SPOCK3: variants seen among roughly 807,000 people sequenced by gnomAD.
The protein encoded by SPOCK3 is testican-3.
Under a neutral mutation model 56.6 loss-of-function variants are expected in SPOCK3, and 30 were observed. That is an observed-to-expected ratio of 0.53 (90% confidence interval 0.40 to 0.72). The LOEUF is 0.72. Among genes scored for constraint, SPOCK3 ranks in the 30% least tolerant of loss-of-function variants. SPOCK3 has a pLI of 0.00. For missense variants in SPOCK3, 527 were observed against 530.0 expected, an observed-to-expected ratio of 0.99 and a Z score of 0.06; for synonymous variants, 196 against 183.3, an observed-to-expected ratio of 1.07 and a Z score of -0.56.
rs750297761 is a variant in SPOCK3 at position 167,234,114 on chromosome 4, G to T, written c.60C>A (p.Leu20=). The T allele has an allele frequency of 1.9e-6, 3 of 1,613,956 alleles. No individual in the cohort carries two copies. The highest frequency in any genetic ancestry group is 2.2e-5 in the East Asian group (1 of 44,842). ...CTGCAGCCACCGCCGCGGCAGCTGCGAGAGACTGACTGCACCAAGCGGCTG... is the reference window on the plus strand; with the variant it reads ...CTGCAGCCACCGCCGCGGCAGCTGCTAGAGACTGACTGCACCAAGCGGCTG... ...VCAAAWCSQS[L]AAAAAVAAAG... is the part of the protein sequence containing the mutation. The change falls in exon 2 of 11, where the codon CTC becomes CTA. Residue 20 remains leucine, a synonymous_variant. Coordinates refer to ENST00000357545, the MANE Select transcript of SPOCK3 (RefSeq NM_001040159.2).
intron 2 of SPOCK3, among the ~76,000 whole-genome samples, chr4:167,094,130 T>TAATACATGTGAC (rs1346293201): frequency 2.6e-5 from 4 of 152,092 alleles, no homozygotes; most frequent in Non-Finnish European, 5.9e-5. Context: ...ATATCAAGTA[T>TAATACATGTGAC]AATACATGTG....
chr4:166,908,762 C>T (rs78094227), intron 5 of SPOCK3, among the ~76,000 whole-genome samples: 4,034 of 152,074 alleles, frequency 0.027, 161 homozygotes, highest in African/African-American at 0.082. Context: ...GTAACGTACA[C>T]TTTACATAAC....
chr4:167,225,855 C>T (rs1736544452), intron 2 of SPOCK3, among the ~76,000 whole-genome samples: 1 of 152,004 alleles, frequency 6.6e-6, no homozygotes, highest in South Asian at 2.1e-4. Flanking sequence ...TCCTAACTGT[C>T]CCAGAGATAC....
At chr4:167,128,419 T>C (rs1762457874) in intron 2 of SPOCK3, among the ~76,000 whole-genome samples, 1 of 152,204 alleles carries the variant, frequency 6.6e-6, no homozygotes, top group Non-Finnish European at 1.5e-5. Flanking sequence ...TACACCACCA[T>C]TTATTACTTT....
At chr4:166,850,648 C>G (rs913711163) in intron 6 of SPOCK3, among the ~76,000 whole-genome samples, 7 of 152,246 alleles carry the variant, frequency 4.6e-5, no homozygotes, top group Admixed American at 3.9e-4. Flanking sequence ...GGCATTGCCT[C>G]ACTCGGGAAG....
In SPOCK3 at chr4:167,194,411, T is replaced by C. The variant is rs560837759; in HGVS notation, c.189+39574A>G. ...GAATTTCTTTAAATCAGGCAGCTTATAGATCTCCATTTCTTTCAGGCATGC... is the reference window on the plus strand; with the variant it reads ...GAATTTCTTTAAATCAGGCAGCTTACAGATCTCCATTTCTTTCAGGCATGC... On this transcript the variant is annotated intron_variant, in intron 2 of 10. Coordinates refer to ENST00000357545, the MANE Select transcript of SPOCK3 (RefSeq NM_001040159.2). 1.8e-4 allele frequency among the ~76,000 whole-genome samples: 28 copies of C among 152,322 alleles called. No homozygotes were observed. In the South Asian group the frequency reaches 3.7e-3, roughly 20 times the overall value.
intron 7 of SPOCK3, 56 bp downstream of exon 7, chr4:166,792,114 T>C: frequency 1.2e-6 from 2 of 1,603,076 alleles, no homozygotes; most frequent in Non-Finnish European, 1.7e-6. Context: ...AGTGGTTCAT[T>C]GGAAATAAAA....
chr4:166,914,078 C>A (rs1000333056), intron 4 of SPOCK3, among the ~76,000 whole-genome samples: 33 of 150,422 alleles, frequency 2.2e-4, no homozygotes, highest in African/African-American at 5.2e-4. Context: ...AAAAAAAAAA[C>A]CATTCTACTT....
At chr4:167,147,413 G>A (rs1228928531) in intron 2 of SPOCK3, among the ~76,000 whole-genome samples, 2 of 151,986 alleles carry the variant, frequency 1.3e-5, no homozygotes, top group African/African-American at 4.8e-5. Context: ...GATTCCTCAG[G>A]GATCGAGAAC....
chr4:167,223,404 TAG>T (rs1253487626), intron 2 of SPOCK3, among the ~76,000 whole-genome samples: 2 of 148,544 alleles, frequency 1.3e-5, no homozygotes, highest in African/African-American at 2.5e-5. Context: ...ATATTATATA[TAG>T]AGAGAGATAT....
intron 5 of SPOCK3, among the ~76,000 whole-genome samples, chr4:166,897,780 G>A (rs1485276939): frequency 6.6e-6 from 1 of 152,180 alleles, no homozygotes; most frequent in Non-Finnish European, 1.5e-5. Flanking sequence ...GTGGCTTTCT[G>A]TAAGTGAAAG....
chr4:167,169,000 C>T (rs867069797), intron 2 of SPOCK3, among the ~76,000 whole-genome samples: 11 of 152,160 alleles, frequency 7.2e-5, no homozygotes, highest in Admixed American at 1.3e-4. Context: ...TTGGCAGCTT[C>T]CATGAGGTGT....
At chr4:167,173,886 C>T (rs941419655) in intron 2 of SPOCK3, among the ~76,000 whole-genome samples, 3 of 152,072 alleles carry the variant, frequency 2.0e-5, no homozygotes, top group Non-Finnish European at 4.4e-5. Flanking sequence ...CCCTATAGGC[C>T]TGAGGGTTTC....
intron 7 of SPOCK3, among the ~76,000 whole-genome samples, chr4:166,769,506 T>G (rs959179309): frequency 6.6e-6 from 1 of 152,180 alleles, no homozygotes; most frequent in Non-Finnish European, 1.5e-5. Context: ...ACAGTGAATA[T>G]TGCTGAACAG....
At chr4:167,048,330 AG>A (rs1297052793) in intron 3 of SPOCK3, among the ~76,000 whole-genome samples, 1 of 151,996 alleles carries the variant, frequency 6.6e-6, no homozygotes, top group Non-Finnish European at 1.5e-5. Context: ...AAAATGCAAA[AG>A]AAAAAAAAGT....
At chr4:167,048,858 T>A (rs1053231138) in intron 3 of SPOCK3, among the ~76,000 whole-genome samples, 5 of 152,164 alleles carry the variant, frequency 3.3e-5, no homozygotes, top group Non-Finnish European at 4.4e-5. Flanking sequence ...ACATCATGGA[T>A]AAATAATGAT....
At chr4:166,897,563 G>T (rs975468665) in intron 5 of SPOCK3, among the ~76,000 whole-genome samples, 2 of 152,112 alleles carry the variant, frequency 1.3e-5, no homozygotes, top group Non-Finnish European at 2.9e-5. Context: ...TTACCCCTGC[G>T]GGACTTGTGA....
At chr4:166,957,968 T>C (rs1743682415) in intron 4 of SPOCK3, among the ~76,000 whole-genome samples, 1 of 152,068 alleles carries the variant, frequency 6.6e-6, no homozygotes, top group Non-Finnish European at 1.5e-5. Flanking sequence ...GAAGGCACAA[T>C]TGTATTTAGA....
intron 3 of SPOCK3, among the ~76,000 whole-genome samples, chr4:167,012,046 G>A (rs945436633): frequency 6.6e-6 from 1 of 151,674 alleles, no homozygotes; most frequent in African/African-American, 2.4e-5. Context: ...TTTCAAGGTT[G>A]GGATGAATAA....
Sources: allele counts gnomAD v4.1 joint callset (sites outside exome capture counted in the v4.1 genomes callset), GRCh38; gene constraint gnomAD v4.1.1; transcripts MANE v1.5; gene names NCBI Gene and HGNC (gene_info 2026-07-23, HGNC 2026-07-21).